The following THOC5 variants were observed in gnomAD, a reference collection of about 807,000 sequenced individuals.
THOC5 encodes THO complex subunit 5.
Under a neutral mutation model 92.9 loss-of-function variants are expected in THOC5, and 43 were observed. The ratio of observed to expected loss-of-function variants is 0.46; its 90% CI spans 0.36 to 0.60. THOC5 has a LOEUF of 0.60. THOC5 is among the 20% of genes least tolerant of loss of function. The pLI is 0.00. For synonymous variants in THOC5, 296 were observed against 320.1 expected, an observed-to-expected ratio of 0.92 and a Z score of 0.80; for missense variants, 659 against 849.4, an observed-to-expected ratio of 0.78 and a Z score of 2.79.
chr22:29,535,871 C>G (rs769514536), intron 7 of THOC5: 3 of 152,054 alleles, frequency 2.0e-5, no homozygotes, highest in African/African-American at 4.8e-5. Flanking sequence ...GGCGGGGTCT[C>G]CCGATATTGC....
intron 15 of THOC5, 47 bp from the exon 16 acceptor site, chr22:29,517,413 C>T: frequency 6.5e-7 from 1 of 1,545,018 alleles, no homozygotes; most frequent in Non-Finnish European, 8.9e-7. Context: ...AATCAGGTGC[C>T]ACAGATGGGT....
intron 1 of THOC5, among the ~76,000 whole-genome samples, chr22:29,551,957 C>T (rs113291205): frequency 9.9e-4 from 150 of 152,152 alleles, no homozygotes; most frequent in Middle Eastern, 6.8e-3. Context: ...GACTGGTTTT[C>T]GTATTTTTTG....
intron 12 of THOC5, among the ~76,000 whole-genome samples, chr22:29,522,229 G>A (rs1222137388): frequency 4.0e-5 from 6 of 151,534 alleles, no homozygotes; most frequent in Non-Finnish European, 7.4e-5. Flanking sequence ...GCATGGTGGC[G>A]GGCGCCTATA....
intron 2 of THOC5, among the ~76,000 whole-genome samples, chr22:29,545,673 G>A (rs988423391): frequency 2.6e-5 from 4 of 152,184 alleles, no homozygotes; most frequent in African/African-American, 9.6e-5. Flanking sequence ...TCACATCCAG[G>A]TCAAGCTGAT....
Position 29,506,677 on chromosome 22 carries a change from TA to T in THOC5, c.*1779del, listed in dbSNP as rs1039277237. ...ACAACAGAGCAAGACCCTGTCTCAA[TA>T]AAAAAAAAATATTCTCCTCAAATGT... On this transcript the variant is annotated 3_prime_UTR_variant, in exon 20 of 20. Transcript: ENST00000490103. 11 of 148,964 alleles carry T rather than the reference TA, an allele frequency of 7.4e-5. No homozygotes were observed. Among genetic ancestry groups the T allele is most frequent in the Non-Finnish European group, 1.5e-4 (10 of 67,058 alleles). The allele number at this position is 148,964 out of a possible 1,614,324, so 9.2% of individuals were successfully genotyped here.
intron 14 of THOC5, 109 bp from the exon 15 acceptor site, chr22:29,519,229 C>G: frequency 1.5e-6 from 1 of 658,952 alleles, no homozygotes; most frequent in Non-Finnish European, 2.6e-6. Flanking sequence ...TATCCATGCC[C>G]CAAGATGGGT....
At chr22:29,527,841 G>A (rs2063573235) in intron 11 of THOC5, among the ~76,000 whole-genome samples, 1 of 152,162 alleles carries the variant, frequency 6.6e-6, no homozygotes, top group African/African-American at 2.4e-5. Context: ...TCAGAAAGAG[G>A]TATAGTTTTC....
chr22:29,533,925 C>T (rs2063703860), intron 7 of THOC5, among the ~76,000 whole-genome samples: 1 of 152,184 alleles, frequency 6.6e-6, no homozygotes, highest in Non-Finnish European at 1.5e-5. Flanking sequence ...AAAACTGTTT[C>T]AGTGTCTACA....
intron 2 of THOC5, among the ~76,000 whole-genome samples, chr22:29,545,520 G>A (rs1350123987): frequency 6.6e-6 from 1 of 152,134 alleles, no homozygotes; most frequent in Non-Finnish European, 1.5e-5. Context: ...TAGTTACTTC[G>A]TAGATACAGT....
chr22:29,532,871 C>T (rs892688256), intron 7 of THOC5, among the ~76,000 whole-genome samples: 1 of 150,840 alleles, frequency 6.6e-6, no homozygotes, highest in East Asian at 2.0e-4. Flanking sequence ...CCAGCTACTC[C>T]AGAGGCTGAG....
At chr22:29,517,668 C>G (rs542447333) in intron 15 of THOC5, among the ~76,000 whole-genome samples, 30 of 152,322 alleles carry the variant, frequency 2.0e-4, no homozygotes, top group Non-Finnish European at 2.8e-4. Flanking sequence ...GGAGGGTGCC[C>G]CTGCAGCAGT....
At position 29,535,282 on chromosome 22, in the gene THOC5, C is replaced by T. The variant is rs1197973038; in HGVS notation, c.714+1342G>A. The T allele has an allele frequency of 2.4e-5, 3 of 126,576 alleles. No individual in the cohort carries two copies. The East Asian group carries it at 7.1e-4, about 30-fold the overall frequency. The allele number at this position is 126,576 out of a possible 1,614,324, so 7.8% of individuals were successfully genotyped here. ...TCTCCAAAAAAAAAAAAAAAAAAAG[C>T]ATTTTAAAGTCATGGGGGGCGGTGG... On this transcript the variant is annotated intron_variant, in intron 7 of 19. Transcript: ENST00000490103.
At chr22:29,521,468 T>C (rs148754197) in intron 12 of THOC5, among the ~76,000 whole-genome samples, 1 of 152,184 alleles carries the variant, frequency 6.6e-6, no homozygotes, top group African/African-American at 2.4e-5. Context: ...GCCTAAGGCC[T>C]TACCTCAGGG....
In THOC5 at chr22:29,517,238, G is replaced by A. The variant is rs754198896; in HGVS notation, c.1593+25C>T. ...GTCCTGCAATCCTCAGGACAGTAAG[G>A]GTAACTTGTCACTCCTTCACCTACC... is the stretch of plus-strand genomic sequence containing the variant. On this transcript the variant is annotated intron_variant, in intron 16 of 19. Coordinates refer to ENST00000490103, the MANE Select transcript of THOC5 (RefSeq NM_003678.5). 1.5e-5 allele frequency: 24 copies of A among 1,610,390 alleles called. No individual in the cohort carries two copies. In the Admixed American group the frequency reaches 4.0e-4, roughly 27 times the overall value.
rs1298865426 is a variant in THOC5 at position 29,506,780 on chromosome 22, G to C, written c.*1677C>G. On this transcript the variant is annotated 3_prime_UTR_variant, in exon 20 of 20. Coordinates refer to ENST00000490103, the MANE Select transcript of THOC5 (RefSeq NM_003678.5). ...ACTCTCGCCATCTCCATGAAATCCT[G>C]TAAGACTTAGAATTACTCTCTGTGA... 4 of 152,246 alleles carry C rather than the reference G, an allele frequency of 2.6e-5. No individual in the cohort carries two copies. In the East Asian group the frequency reaches 7.7e-4, roughly 29 times the overall value. The allele number at this position is 152,246 out of a possible 1,614,324, so 9.4% of individuals were successfully genotyped here. A position where few individuals can be genotyped will look rare whatever the true frequency, so the allele number is the denominator to read the frequency against.
At chr22:29,512,250 T>C in intron 17 of THOC5, 114 bp from the exon 18 acceptor site, 1 of 747,098 alleles carries the variant, frequency 1.3e-6, no homozygotes. Flanking sequence ...TTAATCTGAA[T>C]GCTGCAGAGT....
chr22:29,548,223 G>A (rs964526351), intron 2 of THOC5, among the ~76,000 whole-genome samples: 3 of 152,092 alleles, frequency 2.0e-5, no homozygotes, highest in African/African-American at 7.2e-5. Context: ...AGTAAATACA[G>A]ATCTCAATCA....
At position 29,521,008 on chromosome 22, in the gene THOC5, C is replaced by G; in HGVS notation, c.1267G>C (p.Asp423His). The G allele has an allele frequency of 6.2e-7, 1 of 1,614,002 alleles. No individual in the cohort carries two copies. Among genetic ancestry groups the G allele is most frequent in the Admixed American group, 1.7e-5 (1 of 60,008 alleles). The change falls in exon 13 of 20, where the codon GAT becomes CAT. Residue 423 changes from aspartate to histidine, a missense_variant. Coordinates refer to ENST00000490103, the MANE Select transcript of THOC5 (RefSeq NM_003678.5). Reference sequence around the variant, plus strand: ...AAACTGCTGACTCACCCAACTTTATCAAACTGATACTGATTGGCTGGATTC... The same window carrying G: ...AAACTGCTGACTCACCCAACTTTATGAAACTGATACTGATTGGCTGGATTC... ...TPNPANQYQF[D>H]KVGILTLSDY...
chr22:29,547,875 G>A (rs2064057328), intron 2 of THOC5, among the ~76,000 whole-genome samples: 1 of 152,160 alleles, frequency 6.6e-6, no homozygotes, highest in Non-Finnish European at 1.5e-5. Context: ...TCACGCTGCT[G>A]ATAAAGACAT....
Sources: allele counts gnomAD v4.1 joint callset (sites outside exome capture counted in the v4.1 genomes callset), GRCh38; gene constraint gnomAD v4.1.1; transcripts MANE v1.5; gene names NCBI Gene and HGNC (gene_info 2026-07-23, HGNC 2026-07-21).